SLC25A30: variants seen among roughly 807,000 people sequenced by gnomAD.
SLC25A30 encodes the protein solute carrier family 25 member 30.
Under a neutral mutation model 42.7 loss-of-function variants are expected in SLC25A30, and 29 were observed. The observed-to-expected ratio is 0.68, with a 90% CI of 0.51 to 0.93. The LOEUF (loss-of-function observed/expected upper bound fraction) is 0.93, where lower values mean the gene tolerates loss of function less well. SLC25A30 is among the 40% of genes least tolerant of loss of function. The pLI is 0.00. For synonymous variants in SLC25A30, 124 were observed against 131.0 expected (o/e 0.95, Z 0.37); for missense variants, 300 against 359.7 (o/e 0.83, Z 1.34).
upstream of SLC25A30, chr13:45,420,425 G>C (rs189780783): frequency 8.9e-4 from 135 of 152,370 alleles, no homozygotes; most frequent in African/African-American, 3.2e-3. Context: ...GTGGGGGAAA[G>C]TCATTGGAAT....
the SLC25A30 span, among the ~76,000 whole-genome samples, chr13:45,424,838 A>G: frequency 3.8e-5 from 2 of 53,258 alleles, 1 homozygote; most frequent in Non-Finnish European, 6.4e-5. Context: ...ATATATATAT[A>G]AAAATATATA....
intron 8 of SLC25A30, 176 bp downstream of exon 8, chr13:45,398,764 C>T: frequency 3.8e-6 from 2 of 522,212 alleles, no homozygotes; most frequent in African/African-American, 2.0e-5. Flanking sequence ...ATAAAGAAAA[C>T]AACATTGTAT....
At chr13:45,424,939 T>TAG in the SLC25A30 span, among the ~76,000 whole-genome samples, 1 of 59,540 alleles carries the variant, frequency 1.7e-5, no homozygotes, top group African/African-American at 8.4e-5. Context: ...TATAAATATT[T>TAG]AAATAAATAT....
chr13:45,422,725 A>G (rs1407190939), upstream of SLC25A30, among the ~76,000 whole-genome samples: 1 of 152,088 alleles, frequency 6.6e-6, no homozygotes, highest in Non-Finnish European at 1.5e-5. Context: ...TTTCTTGGTT[A>G]CAGGTGCTTT....
In SLC25A30 at chr13:45,411,244, G is replaced by T. The variant is rs924258676; in HGVS notation, c.64+118C>A. ...CGTGAGCCACCACACCCAGCTAACAGACATTTTGAATTCTGAGACAAACAT... is the reference window on the plus strand; with the variant it reads ...CGTGAGCCACCACACCCAGCTAACATACATTTTGAATTCTGAGACAAACAT... On this transcript the variant is annotated intron_variant, in intron 2 of 9. Transcript: ENST00000519676. 2.1e-5 allele frequency: 18 copies of T among 845,862 alleles called. No homozygotes were observed. The Admixed American group carries it at 3.3e-4, about 15-fold the overall frequency. 52.4% of individuals were successfully genotyped at this position (845,862 alleles called of 1,614,324 possible).
chr13:45,432,775 A>C, the SLC25A30 span, among the ~76,000 whole-genome samples: 4 of 151,664 alleles, frequency 2.6e-5, no homozygotes, highest in African/African-American at 9.7e-5. Context: ...GGTGGTTTGC[A>C]CCTGTAATCC....
the SLC25A30 span, among the ~76,000 whole-genome samples, chr13:45,428,517 CTTTTTTTT>C: frequency 6.5e-5 from 6 of 92,556 alleles, no homozygotes; most frequent in African/African-American, 8.5e-5. Context: ...TTCTTTTTAA[CTTTTTTTT>C]TTTTTTTTTT....
chr13:45,424,417 A>C, the SLC25A30 span, among the ~76,000 whole-genome samples: 3 of 65,830 alleles, frequency 4.6e-5, no homozygotes, highest in African/African-American at 1.8e-4. Context: ...AAATATATAT[A>C]AATATATGAA....
At chr13:45,428,545 CG>C in the SLC25A30 span, among the ~76,000 whole-genome samples, 57,913 of 115,778 alleles carry the variant, frequency 0.5, 14,341 homozygotes, top group Non-Finnish European at 0.55. Context: ...TTTTTTGAGA[CG>C]GAGTCCAGCT....
At chr13:45,404,916 A>C (rs1167510937) in intron 4 of SLC25A30, among the ~76,000 whole-genome samples, 1 of 152,146 alleles carries the variant, frequency 6.6e-6, no homozygotes, top group African/African-American at 2.4e-5. Context: ...TTGATATCTA[A>C]ATGTGATTTT....
Position 45,405,979 on chromosome 13 carries a change from T to A in SLC25A30, c.213-2A>T. 1 of 1,614,108 alleles carries A rather than the reference T, an allele frequency of 6.2e-7. No individual in the cohort carries two copies. Among genetic ancestry groups the A allele is most frequent in the African/African-American group, 1.3e-5 (1 of 75,062 alleles). ...TGGCGTAACATCGCGGGGGCAATCCTGTTAAACCAATGTACAAAGGGACAA... is the reference window on the plus strand; with the variant it reads ...TGGCGTAACATCGCGGGGGCAATCCAGTTAAACCAATGTACAAAGGGACAA... On this transcript the variant is annotated splice_acceptor_variant, in intron 3 of 9. Transcript: ENST00000519676. LOFTEE classifies it high-confidence loss of function.
the SLC25A30 span, among the ~76,000 whole-genome samples, chr13:45,430,794 G>A: frequency 1.3e-5 from 2 of 152,130 alleles, no homozygotes; most frequent in Non-Finnish European, 2.9e-5. Context: ...GTAACACAGT[G>A]AGACTATGAA....
chr13:45,428,221 A>AT, the SLC25A30 span, among the ~76,000 whole-genome samples: 19 of 145,242 alleles, frequency 1.3e-4, no homozygotes, highest in South Asian at 6.6e-4. Context: ...TTTTATTTTT[A>AT]TTTTTTTTTG....
At chr13:45,412,678 A>G (rs1268175554) in intron 1 of SLC25A30, among the ~76,000 whole-genome samples, 3 of 152,202 alleles carry the variant, frequency 2.0e-5, no homozygotes, top group Non-Finnish European at 2.9e-5. Flanking sequence ...TGTGGGCATT[A>G]AGCCATATAT....
chr13:45,413,124 T>C (rs1416062168), intron 1 of SLC25A30, among the ~76,000 whole-genome samples: 2 of 152,156 alleles, frequency 1.3e-5, no homozygotes, highest in African/African-American at 4.8e-5. Flanking sequence ...TGTTTATGGA[T>C]ATTAACCAAA....
In SLC25A30 at chr13:45,413,801, C is replaced by A. The variant is rs144288150; in HGVS notation, c.-55-2321G>T. ...CTCCTGACCTCAGGTAATCCACCTG[C>A]CTTGGCCTCCCAAAGTGCTGGGATT... On this transcript the variant is annotated intron_variant, in intron 1 of 9. Coordinates refer to ENST00000519676, the MANE Select transcript of SLC25A30 (RefSeq NM_001010875.4). Among the ~76,000 whole-genome samples the A allele has an allele frequency of 2.4e-3, 368 of 152,310 alleles. 3 individuals carry two copies. The highest frequency in any genetic ancestry group is 8.2e-3 in the African/African-American group (342 of 41,576).
rs180939183 is a variant in SLC25A30, at chr13:45,401,902, A to G, written c.489+373T>C. ...TGGTGAAACCCCATCTCTACTAAAA[A>G]TACAAAAATTAGCGGGGTGTGGTGG... On this transcript the variant is annotated intron_variant, in intron 6 of 9. Coordinates refer to ENST00000519676, the MANE Select transcript of SLC25A30 (RefSeq NM_001010875.4). 2.2e-3 allele frequency among the ~76,000 whole-genome samples: 328 copies of G among 152,128 alleles called. 1 individual carries two copies. The highest frequency in any genetic ancestry group is 3.3e-3 in the Non-Finnish European group (224 of 67,972).
At chr13:45,423,884 T>TATAAAA in the SLC25A30 span, among the ~76,000 whole-genome samples, 594 of 44,228 alleles carry the variant, frequency 0.013, 18 homozygotes, top group African/African-American at 0.035. Flanking sequence ...TATATAAAAA[T>TATAAAA]ATATATATAA....
At chr13:45,433,381 G>A in the SLC25A30 span, among the ~76,000 whole-genome samples, 23 of 152,130 alleles carry the variant, frequency 1.5e-4, no homozygotes, top group African/African-American at 5.6e-4. Context: ...TTTTCGGAGC[G>A]TCAGGGAGGA....
Sources: allele counts gnomAD v4.1 joint callset (sites outside exome capture counted in the v4.1 genomes callset), GRCh38; gene constraint gnomAD v4.1.1; transcripts MANE v1.5; gene names NCBI Gene and HGNC (gene_info 2026-07-23, HGNC 2026-07-21).